FILIP1L: variants seen among roughly 807,000 people sequenced by gnomAD.
FILIP1L encodes the protein filamin A interacting protein 1 like.
A neutral mutation model predicts 96.6 loss-of-function variants in FILIP1L; 55 were observed. The ratio of observed to expected loss-of-function variants is 0.57; its 90% CI spans 0.46 to 0.71. FILIP1L has a LOEUF of 0.71. Among genes scored for constraint, FILIP1L ranks in the 30% least tolerant of loss-of-function variants. FILIP1L has a pLI of 0.00. For synonymous variants in FILIP1L, 467 were observed against 473.9 expected, an observed-to-expected ratio of 0.99 and a Z score of 0.19; for missense variants, 1,304 against 1,321.2, an observed-to-expected ratio of 0.99 and a Z score of 0.20.
intron 1 of FILIP1L, among the ~76,000 whole-genome samples, chr3:100,038,384 T>C (rs538099118): frequency 4.6e-5 from 7 of 152,336 alleles, no homozygotes; most frequent in African/African-American, 1.7e-4. Context: ...AAATAAGATA[T>C]TGAATTATCC....
rs1305030756 is a variant in FILIP1L at position 100,018,112 on chromosome 3, AG to A, written c.-10-87083del. Among the ~76,000 whole-genome samples, 7 of 152,272 alleles carry A rather than the reference AG, an allele frequency of 4.6e-5. No individual in the cohort carries two copies. The East Asian group carries it at 1.2e-3, about 25-fold the overall frequency. ...GGGAGGCCGAGGCGGGCAGATCACC[AG>A]GTCAAGAGATCGAGACCATCTGGCC... On this transcript the variant is annotated intron_variant, in intron 1 of 5. Transcript: ENST00000477258.
rs192586245 is a variant in FILIP1L, at chr3:99,850,880, T to C, written c.796A>G (p.Asn266Asp). Residue 266 changes from asparagine to aspartate, a missense_variant, in exon 5 of 6, where the codon AAT (asparagine) becomes GAT (aspartate). Transcript: ENST00000477258. ...QRQKIQELTT[N>D]AKETHTKLAL... The stretch of plus-strand genomic sequence containing the variant: ...AGTTTGGTATGTGTTTCCTTTGCAT[T>C]TGTGGTCAGCTCTTGGATTTTCTGT... The C allele has an allele frequency of 2.5e-6, 4 of 1,614,224 alleles. No individual in the cohort carries two copies. The African/African-American group carries it at 4.0e-5, about 16-fold the overall frequency.
At chr3:99,900,408 A>G (rs1706397217) in intron 4 of FILIP1L, among the ~76,000 whole-genome samples, 1 of 152,224 alleles carries the variant, frequency 6.6e-6, no homozygotes, top group Non-Finnish European at 1.5e-5. Flanking sequence ...CAGCAGCCCT[A>G]TAAGGGTTAT....
chr3:99,834,948 A>T (rs793478), intron 5 of FILIP1L, among the ~76,000 whole-genome samples: 4 of 152,226 alleles, frequency 2.6e-5, no homozygotes, highest in Non-Finnish European at 5.9e-5. Context: ...ATATTGTGTA[A>T]TAAAGTCCCT....
chr3:99,985,190 T>C (rs1048641329), intron 1 of FILIP1L, among the ~76,000 whole-genome samples: 1 of 152,064 alleles, frequency 6.6e-6, no homozygotes, highest in Non-Finnish European at 1.5e-5. Context: ...AAAGGTTGTT[T>C]TAAAAGGTTG....
chr3:100,050,171 A>G (rs1489866786), intron 1 of FILIP1L, among the ~76,000 whole-genome samples: 5 of 152,184 alleles, frequency 3.3e-5, no homozygotes, highest in Admixed American at 2.0e-4. Flanking sequence ...ATTTACCAGC[A>G]TTTCTGGTAG....
At chr3:99,994,384 G>A (rs1484184032) in intron 1 of FILIP1L, among the ~76,000 whole-genome samples, 1 of 152,146 alleles carries the variant, frequency 6.6e-6, no homozygotes, top group African/African-American at 2.4e-5. Context: ...AAACCAAATG[G>A]ACTTAACAGA....
At chr3:100,044,862 G>A (rs1005442849) in intron 1 of FILIP1L, among the ~76,000 whole-genome samples, 2 of 152,214 alleles carry the variant, frequency 1.3e-5, no homozygotes, top group Non-Finnish European at 2.9e-5. Context: ...GATTTAGGAG[G>A]TAGAGCTGAC....
At chr3:100,067,295 G>T (rs971362484) in intron 1 of FILIP1L, among the ~76,000 whole-genome samples, 5 of 152,120 alleles carry the variant, frequency 3.3e-5, no homozygotes, top group African/African-American at 4.8e-5. Flanking sequence ...GGCTTTCTTG[G>T]CATTTATACA....
intron 2 of FILIP1L, 51 bp downstream of exon 2, chr3:99,930,718 C>A (rs375577122): frequency 1.3e-5 from 20 of 1,594,884 alleles, no homozygotes; most frequent in African/African-American, 2.7e-5. Context: ...ACCAAATTCA[C>A]AAGCAGCCTT....
chr3:100,081,777 T>C (rs1319855366), intron 1 of FILIP1L, among the ~76,000 whole-genome samples: 1 of 152,214 alleles, frequency 6.6e-6, no homozygotes, highest in Non-Finnish European at 1.5e-5. Flanking sequence ...TCTTAGTTGT[T>C]TTAGAGCCAG....
intron 1 of FILIP1L, among the ~76,000 whole-genome samples, chr3:99,946,677 A>C (rs13317017): frequency 0.73 from 111,787 of 152,098 alleles, 41,791 homozygotes; most frequent in African/African-American, 0.88. Context: ...TAATTACTTG[A>C]AGGTATTTGA....
intron 1 of FILIP1L, among the ~76,000 whole-genome samples, chr3:100,060,272 C>T (rs2065539210): frequency 6.6e-6 from 1 of 152,052 alleles, no homozygotes; most frequent in Non-Finnish European, 1.5e-5. Context: ...GAGTGAAGTA[C>T]CATGCAAGGA....
At position 99,850,586 on chromosome 3, in the gene FILIP1L, C is replaced by T; in HGVS notation, c.1090G>A (p.Gly364Arg). 6.2e-7 allele frequency: 1 copy of T among 1,613,766 alleles called. No homozygotes were observed. The highest frequency in any genetic ancestry group is 2.2e-5 in the East Asian group (1 of 44,886). Reference protein sequence around the residue: ...IKEKISKGEYGNAGIMAEVEE... With the variant: ...IKEKISKGEYRNAGIMAEVEE... ...ACTTCAGCCATGATACCAGCGTTTC[C>T]ATATTCTCCCTTACTGATTTTTTCT... is the stretch of plus-strand genomic sequence containing the variant. The change falls in exon 5 of 6, where the codon GGA (glycine) becomes AGA (arginine). Residue 364 changes from glycine (G) to arginine (R), a missense_variant. Gly to Arg is a moderately radical substitution (Grantham distance 125, BLOSUM62 -2). Transcript: ENST00000477258.
chr3:99,930,841 A>G lies in FILIP1L; in HGVS notation c.180T>C (p.Asn60=), dbSNP rs746965098. The G allele has an allele frequency of 3.1e-6, 5 of 1,612,254 alleles. No homozygotes were observed. Among genetic ancestry groups the G allele is most frequent in the Non-Finnish European group, 4.2e-6 (5 of 1,179,618 alleles). The change falls in exon 2 of 6, where the codon AAT becomes AAC. Residue 60 remains asparagine, a synonymous_variant. Coordinates refer to ENST00000477258, the MANE Select transcript of FILIP1L (RefSeq NM_001387850.1). ...TTGAGAGGTCTTCTGCTTGGTGGCC[A>G]TTACCACTGTGTGGCTTCTCTGCCT... The part of the protein sequence containing the change: ...CPKAEKPHSG[N]GHQAEDLSRD...
intron 1 of FILIP1L, among the ~76,000 whole-genome samples, chr3:100,107,746 A>G (rs190696489): frequency 1.2e-4 from 18 of 152,164 alleles, no homozygotes; most frequent in African/African-American, 3.9e-4. Context: ...TTATGGAATA[A>G]TTTTGCACTT....
intron 1 of FILIP1L, among the ~76,000 whole-genome samples, chr3:100,096,332 T>A (rs2066207854): frequency 2.0e-5 from 3 of 152,206 alleles, no homozygotes; most frequent in Admixed American, 2.0e-4. Context: ...GCAGCACTGT[T>A]CACAATAGCC....
In FILIP1L at chr3:99,850,531, A is replaced by G; in HGVS notation, c.1145T>C (p.Met382Thr). ...TATGAGCTCTTCATCTTTCCCTTCC[A>G]TATCTAGCACACGTTTCCTGAGCTC... ...VEELRKRVLD[M>T]EGKDEELIKM... The change falls in exon 5 of 6, where the codon ATG (methionine) becomes ACG (threonine). Residue 382 changes from methionine to threonine, a missense_variant. Transcript: ENST00000477258. The G allele has an allele frequency of 1.2e-6, 2 of 1,613,326 alleles. No individual in the cohort carries two copies. Among genetic ancestry groups the G allele is most frequent in the Middle Eastern group, 1.7e-4 (1 of 6,060 alleles).
chr3:100,005,149 G>C (rs534782032), intron 1 of FILIP1L, among the ~76,000 whole-genome samples: 54 of 152,330 alleles, frequency 3.5e-4, no homozygotes, highest in Non-Finnish European at 7.1e-4. Context: ...ACTCAAGGAA[G>C]TGGAGTTACA....
Sources: allele counts gnomAD v4.1 joint callset (sites outside exome capture counted in the v4.1 genomes callset), GRCh38; gene constraint gnomAD v4.1.1; transcripts MANE v1.5; gene names NCBI Gene and HGNC (gene_info 2026-07-23, HGNC 2026-07-21).